DRC4: variants seen among roughly 807,000 people sequenced by gnomAD.
DRC4 encodes the protein dynein regulatory complex subunit 4.
chr16:90,031,226 CG>C, the DRC4 span: 1 of 1,597,900 alleles, frequency 6.3e-7, no homozygotes, highest in African/African-American at 1.3e-5. Flanking sequence ...CCTTGCCTTT[CG>C]CCGGCCACAC....
At chr16:90,041,890 G>C in the DRC4 span, among the ~76,000 whole-genome samples, 1 of 152,190 alleles carries the variant, frequency 6.6e-6, no homozygotes, top group Non-Finnish European at 1.5e-5. Flanking sequence ...CAGTGTGGCT[G>C]CACGCTGCCT....
chr16:90,032,716 A>G, the DRC4 span: 1 of 1,613,662 alleles, frequency 6.2e-7, no homozygotes, highest in East Asian at 2.2e-5. Context: ...ATTGCCCTGC[A>G]GGTGTACAAG....
the DRC4 span, chr16:90,029,094 C>G: frequency 8.0e-7 from 1 of 1,248,690 alleles, no homozygotes; most frequent in Non-Finnish European, 1.0e-6. Flanking sequence ...TGTCCGCTTC[C>G]CATTCCTGTG....
chr16:90,036,755 C>T, the DRC4 span: 11 of 726,760 alleles, frequency 1.5e-5, no homozygotes, highest in Admixed American at 6.0e-5. Flanking sequence ...TCCTAAATAA[C>T]GTAACCTATC....
At chr16:90,031,567 G>C in the DRC4 span, 1 of 1,456,486 alleles carries the variant, frequency 6.9e-7, no homozygotes. Flanking sequence ...TCCAGTGAGG[G>C]TGCAGGTGGG....
At chr16:90,042,025 T>C in the DRC4 span, among the ~76,000 whole-genome samples, 502 of 151,952 alleles carry the variant, frequency 3.3e-3, 2 homozygotes, top group South Asian at 0.027. Flanking sequence ...GCAACCTCCG[T>C]TTCCCAGGTT....
At chr16:90,037,362 A>G in the DRC4 span, 7 of 1,613,812 alleles carry the variant, frequency 4.3e-6, no homozygotes, top group Middle Eastern at 1.6e-4. Context: ...ATGCAGAAAC[A>G]GCTCGCAAAC....
At chr16:90,028,930 T>C in the DRC4 span, 4 of 1,298,198 alleles carry the variant, frequency 3.1e-6, no homozygotes, top group Non-Finnish European at 4.1e-6. Context: ...TGGCTTTATT[T>C]TACATGCAGG....
the DRC4 span, among the ~76,000 whole-genome samples, chr16:90,033,837 A>G: frequency 2.0e-5 from 3 of 151,756 alleles, no homozygotes; most frequent in African/African-American, 4.8e-5. Flanking sequence ...GAAGAGTGCC[A>G]TAGAAGGATC....
At chr16:90,026,915 T>C in the DRC4 span, among the ~76,000 whole-genome samples, 23 of 151,234 alleles carry the variant, frequency 1.5e-4, no homozygotes, top group African/African-American at 5.3e-4. Flanking sequence ...TTTTTTTAAG[T>C]TACAGTTTGC....
At chr16:90,044,076 C>T in the DRC4 span, 1 of 444,134 alleles carries the variant, frequency 2.3e-6, no homozygotes, top group Admixed American at 3.0e-5. Flanking sequence ...ATTCAGCAGC[C>T]CAGACTGAGG....
the DRC4 span, chr16:90,029,037 G>C: frequency 1.6e-6 from 2 of 1,290,148 alleles, no homozygotes; most frequent in Non-Finnish European, 2.0e-6. Context: ...ATGGAGAATG[G>C]ATTGAACACT....
chr16:90,039,091 C>G, the DRC4 span, among the ~76,000 whole-genome samples: 61 of 152,244 alleles, frequency 4.0e-4, no homozygotes, highest in Admixed American at 2.0e-3. Context: ...GCTGTGCCAA[C>G]TCTTGGCACC....
the DRC4 span, chr16:90,029,309 G>C: frequency 1.3e-5 from 18 of 1,365,538 alleles, no homozygotes; most frequent in Admixed American, 3.2e-4. Context: ...GGGTGACCTG[G>C]AGACTCCTGC....
At chr16:90,041,573 A>T in the DRC4 span, among the ~76,000 whole-genome samples, 42 of 152,308 alleles carry the variant, frequency 2.8e-4, no homozygotes, top group Non-Finnish European at 5.3e-4. Flanking sequence ...TGGGAGGCTG[A>T]GGTGGGCAGA....
At chr16:90,035,990 C>T in the DRC4 span, 2 of 1,094,742 alleles carry the variant, frequency 1.8e-6, no homozygotes, top group Middle Eastern at 3.2e-4. Flanking sequence ...TTAAAATAGT[C>T]TTCTCCATGG....
chr16:90,039,908 C>T, the DRC4 span: 402 of 293,200 alleles, frequency 1.4e-3, 7 homozygotes, highest in East Asian at 0.024. Context: ...GGGGCCCCAC[C>T]TGCAAGCTCG....
chr16:90,032,739 C>T, the DRC4 span: 3 of 1,613,868 alleles, frequency 1.9e-6, no homozygotes, highest in South Asian at 2.2e-5. Flanking sequence ...GAAAGTGAAG[C>T]ACCTGCTATA....
At chr16:90,042,455 C>T in the DRC4 span, 1 of 1,613,024 alleles carries the variant, frequency 6.2e-7, no homozygotes, top group East Asian at 2.2e-5. Flanking sequence ...ACTCCCATCA[C>T]CTCTCTCTCC....
Sources: allele counts gnomAD v4.1 joint callset (sites outside exome capture counted in the v4.1 genomes callset), GRCh38; gene constraint gnomAD v4.1.1; transcripts MANE v1.5; gene names NCBI Gene and HGNC (gene_info 2026-07-23, HGNC 2026-07-21).